PCDH9: variants seen among roughly 807,000 people sequenced by gnomAD.
The protein encoded by PCDH9 is protocadherin-9.
A neutral mutation model predicts 70.6 loss-of-function variants in PCDH9; 24 were observed. The ratio of observed to expected loss-of-function variants is 0.34; its 90% confidence interval spans 0.25 to 0.48. The LOEUF (loss-of-function observed/expected upper bound fraction) is 0.48. PCDH9 is among the 20% of genes least tolerant of loss of function. The pLI, the probability that PCDH9 is intolerant of heterozygous loss-of-function variation, is 0.99. For synonymous variants in PCDH9, 562 were observed against 558.5 expected (o/e 1.01, Z -0.09); for missense variants, 1,281 against 1,503.6 (o/e 0.85, Z 2.45).
At chr13:66,652,555 TAAAGTAATATAC>T (rs1243874236) in intron 3 of PCDH9, among the ~76,000 whole-genome samples, 1 of 151,484 alleles carries the variant, frequency 6.6e-6, no homozygotes, top group Admixed American at 6.6e-5. Flanking sequence ...ACATACTACC[TAAAGTAATATAC>T]AAAGTTGGTT....
intron 3 of PCDH9, among the ~76,000 whole-genome samples, chr13:66,650,325 G>T (rs2077832980): frequency 6.6e-6 from 1 of 151,864 alleles, no homozygotes; most frequent in South Asian, 2.1e-4. Context: ...AAAGAACAGA[G>T]TAGCAGTATT....
At chr13:66,705,419 G>A (rs930968877) in intron 3 of PCDH9, among the ~76,000 whole-genome samples, 19 of 152,002 alleles carry the variant, frequency 1.2e-4, no homozygotes, top group African/African-American at 3.9e-4. Flanking sequence ...CATGTTTGTC[G>A]CTTATGTTGA....
intron 2 of PCDH9, among the ~76,000 whole-genome samples, chr13:67,084,156 G>A (rs765211087): frequency 4.6e-5 from 7 of 152,130 alleles, no homozygotes; most frequent in Non-Finnish European, 7.4e-5. Flanking sequence ...TAGAACCACA[G>A]GATAGTTCCT....
chr13:66,520,415 T>A (rs1959937164), intron 4 of PCDH9, among the ~76,000 whole-genome samples: 1 of 152,196 alleles, frequency 6.6e-6, no homozygotes. Flanking sequence ...GTGAGTGAGA[T>A]AAGATTGGGT....
intron 4 of PCDH9, among the ~76,000 whole-genome samples, chr13:66,396,460 A>G (rs1053140138): frequency 6.6e-6 from 1 of 152,200 alleles, no homozygotes; most frequent in Non-Finnish European, 1.5e-5. Context: ...ACTTTCACGT[A>G]CCAGCCAATG....
At chr13:67,184,853 G>A (rs1453699837) in intron 2 of PCDH9, among the ~76,000 whole-genome samples, 1 of 152,062 alleles carries the variant, frequency 6.6e-6, no homozygotes, top group African/African-American at 2.4e-5. Flanking sequence ...TTCTATTCAC[G>A]AGGAGTGACC....
Position 67,227,725 on chromosome 13 carries a change from T to A in PCDH9, c.716A>T (p.Gln239Leu). ...TPQKSSTAILQVTVSDVNDNR... is the reference protein window; with the variant it reads ...TPQKSSTAILLVTVSDVNDNR... ...GTCATTTACATCACTTACTGTGACC[T>A]GCAGTATGGCCGTACTGGATTTCTG... The change falls in exon 2 of 5, where the codon CAG becomes CTG. Residue 239 changes from glutamine (Q) to leucine (L), a missense_variant. Physicochemically the swap from Gln to Leu is moderately radical, Grantham distance 113. Transcript: ENST00000377865. The surrounding 1 kb of genome is among the most constrained non-coding windows in gnomAD (Gnocchi z 4.6). 1 of 1,613,944 alleles carries A rather than the reference T, an allele frequency of 6.2e-7. No homozygotes were observed. Among genetic ancestry groups the A allele is most frequent in the Non-Finnish European group, 8.5e-7 (1 of 1,179,764 alleles).
At chr13:66,541,537 G>C (rs1437901344) in intron 4 of PCDH9, among the ~76,000 whole-genome samples, 2 of 152,108 alleles carry the variant, frequency 1.3e-5, no homozygotes, top group African/African-American at 4.8e-5. Context: ...CTTCGCTTCT[G>C]ACAGCCTAAT....
chr13:66,498,012 G>T (rs1333809441), intron 4 of PCDH9, among the ~76,000 whole-genome samples: 1 of 151,618 alleles, frequency 6.6e-6, no homozygotes, highest in African/African-American at 2.4e-5. Context: ...TAGAGATGGG[G>T]TTTCGCCATG....
At chr13:66,938,277 C>T (rs1384822814) in intron 2 of PCDH9, among the ~76,000 whole-genome samples, 2 of 152,110 alleles carry the variant, frequency 1.3e-5, no homozygotes, top group Non-Finnish European at 2.9e-5. Flanking sequence ...ATTATAGTTA[C>T]ATAGTTGAAT....
intron 2 of PCDH9, among the ~76,000 whole-genome samples, chr13:67,025,586 T>C: frequency 6.6e-6 from 1 of 152,100 alleles, no homozygotes; most frequent in Non-Finnish European, 1.5e-5. Flanking sequence ...ACAACTTGCA[T>C]TTGTTGAATA....
intron 3 of PCDH9, among the ~76,000 whole-genome samples, chr13:66,644,037 T>C (rs1311153002): frequency 6.6e-6 from 1 of 152,002 alleles, no homozygotes; most frequent in African/African-American, 2.4e-5. Flanking sequence ...TTCTAAAATT[T>C]ATACATAGGC....
At chr13:66,408,929 T>C (rs1957326807) in intron 4 of PCDH9, among the ~76,000 whole-genome samples, 1 of 152,192 alleles carries the variant, frequency 6.6e-6, no homozygotes, top group African/African-American at 2.4e-5. Context: ...ATCTTCCTAC[T>C]TCTAAGGCTA....
chr13:66,579,738 C>CA (rs1483158037), intron 4 of PCDH9, among the ~76,000 whole-genome samples: 1 of 151,888 alleles, frequency 6.6e-6, no homozygotes, highest in African/African-American at 2.4e-5. Context: ...GTCAGGCACA[C>CA]AGTAGGCTCT....
At chr13:66,791,341 G>A (rs1290172816) in intron 3 of PCDH9, among the ~76,000 whole-genome samples, 1 of 151,960 alleles carries the variant, frequency 6.6e-6, no homozygotes, top group African/African-American at 2.4e-5. Flanking sequence ...CCTCTAAATT[G>A]AGTACATGTT....
intron 2 of PCDH9, 124 bp downstream of exon 2, chr13:67,225,279 GTT>G: frequency 7.9e-7 from 1 of 1,266,702 alleles, no homozygotes; most frequent in Non-Finnish European, 1.1e-6. Flanking sequence ...AAGGGGTCAA[GTT>G]TTTTTTTACC....
At chr13:66,730,508 TA>T (rs2079058323) in intron 3 of PCDH9, among the ~76,000 whole-genome samples, 2 of 152,194 alleles carry the variant, frequency 1.3e-5, no homozygotes, top group South Asian at 2.1e-4. Context: ...ATTCCTTTAA[TA>T]TAGACTCCCA....
chr13:66,622,248 T>TGC (rs896544184), intron 4 of PCDH9, among the ~76,000 whole-genome samples: 1 of 152,182 alleles, frequency 6.6e-6, no homozygotes, highest in African/African-American at 2.4e-5. Context: ...TGGGCTCCTG[T>TGC]GCGGCCGAGG....
intron 2 of PCDH9, among the ~76,000 whole-genome samples, chr13:67,158,926 C>G (rs547129774): frequency 1.3e-5 from 2 of 152,100 alleles, no homozygotes; most frequent in Non-Finnish European, 2.9e-5. Flanking sequence ...ATTGGAAAGA[C>G]GAAATAACAG....
Sources: gnomAD v4.1 joint callset for allele counts (sites outside exome capture counted in the v4.1 genomes callset) on GRCh38, gnomAD v4.1.1 for gene constraint, Gnocchi (gnomAD v3.1) non-coding constraint, MANE v1.5 for transcripts, NCBI Gene and HGNC (gene_info 2026-07-23, HGNC 2026-07-21) for gene names.